Variants in CADM2 observed in about 807,000 individuals in gnomAD.
CADM2 encodes the protein immunoglobulin superfamily member 4D.
Under a neutral mutation model 49.8 loss-of-function variants are expected in CADM2, and 12 were observed. The ratio of observed to expected loss-of-function variants is 0.24; its 90% CI spans 0.15 to 0.39. The LOEUF is 0.39. CADM2 is among the 10% of genes least tolerant of loss of function. The probability of loss-of-function intolerance (pLI) is 1.00; values close to 1 mark genes in which losing one functional copy is unlikely to be tolerated. For synonymous variants in CADM2, 214 were observed against 175.4 expected, an observed-to-expected ratio of 1.22 and a Z score of -1.74; for missense variants, 378 against 492.3, an observed-to-expected ratio of 0.77 and a Z score of 2.20.
At chr3:85,448,526 C>A (rs1205080902) in intron 1 of CADM2, among the ~76,000 whole-genome samples, 1 of 151,834 alleles carries the variant, frequency 6.6e-6, no homozygotes, top group Admixed American at 6.6e-5. Flanking sequence ...GGCACTGTGG[C>A]GGTATGTATA....
chr3:85,361,630 G>A (rs1474863801), intron 1 of CADM2, among the ~76,000 whole-genome samples: 2 of 152,142 alleles, frequency 1.3e-5, no homozygotes, highest in African/African-American at 2.4e-5. Flanking sequence ...GCATGTGAGA[G>A]GGTGGCTTTC....
chr3:85,730,807 T>C (rs960716494), intron 2 of CADM2, among the ~76,000 whole-genome samples: 3 of 152,304 alleles, frequency 2.0e-5, no homozygotes, highest in South Asian at 4.1e-4. Context: ...AATCCTGATT[T>C]GGGGGCTTTA....
At position 86,067,462 on chromosome 3, in the gene CADM2, A is replaced by G. The variant is rs547131406; in HGVS notation, c.*679A>G. The stretch of plus-strand genomic sequence containing the variant: ...ATGACATGGTATTTTCTATAATTAT[A>G]GAGATCTTACTATTAGGATATTGTA... On this transcript the variant is annotated 3_prime_UTR_variant, in exon 10 of 10. Transcript: ENST00000383699. 6.6e-6 allele frequency: 1 copy of G among 152,576 alleles called. No homozygotes were observed. The highest frequency in any genetic ancestry group is 1.5e-5 in the Non-Finnish European group (1 of 67,986). 9.5% of individuals were successfully genotyped at this position (152,576 alleles called of 1,614,324 possible). A position where few individuals can be genotyped will look rare whatever the true frequency, so the allele number is the denominator to read the frequency against.
At chr3:85,331,583 G>A (rs1224040373) in intron 1 of CADM2, among the ~76,000 whole-genome samples, 1 of 151,694 alleles carries the variant, frequency 6.6e-6, no homozygotes, top group African/African-American at 2.4e-5. Context: ...GAGAATAAGA[G>A]TTTTACTTAT....
rs540104636 is a variant in CADM2 at position 85,201,321 on chromosome 3, C to T, written c.61+241653C>T. 1.3e-3 allele frequency among the ~76,000 whole-genome samples: 191 copies of T among 152,220 alleles called. 1 individual carries two copies. Among genetic ancestry groups the T allele is most frequent in the African/African-American group, 4.2e-3 (173 of 41,544 alleles). ...ATGCTTACACTATACTGTAGTCTAT[C>T]AAGTATGTGATAGCATTATATTATC... On this transcript the variant is annotated intron_variant, in intron 1 of 9. Transcript: ENST00000383699.
At chr3:85,736,861 A>G (rs887175810) in intron 2 of CADM2, among the ~76,000 whole-genome samples, 7 of 152,190 alleles carry the variant, frequency 4.6e-5, no homozygotes, top group African/African-American at 1.7e-4. Context: ...AACTTACAGT[A>G]GTCCAGGGAG....
chr3:85,601,421 T>C (rs1008496473), intron 1 of CADM2, among the ~76,000 whole-genome samples: 3 of 151,128 alleles, frequency 2.0e-5, no homozygotes, highest in Non-Finnish European at 4.4e-5. Context: ...TCACAATACA[T>C]TAACTCAATG....
At chr3:85,861,775 A>T (rs560057382) in intron 3 of CADM2, among the ~76,000 whole-genome samples, 2 of 152,254 alleles carry the variant, frequency 1.3e-5, no homozygotes, top group South Asian at 4.1e-4. Context: ...CCTCATCCAA[A>T]TTAAAATATA....
chr3:85,299,565 G>A (rs1281474845), intron 1 of CADM2, among the ~76,000 whole-genome samples: 1 of 152,050 alleles, frequency 6.6e-6, no homozygotes, highest in East Asian at 1.9e-4. Context: ...TCAACCTTTA[G>A]TCTTAAGTGT....
chr3:85,608,102 C>T (rs2063582117), intron 1 of CADM2, among the ~76,000 whole-genome samples: 1 of 152,044 alleles, frequency 6.6e-6, no homozygotes, highest in South Asian at 2.1e-4. Context: ...ACTAATTTGT[C>T]AATATTCTAT....
chr3:86,065,665 C>T lies in CADM2; in HGVS notation c.1031C>T (p.Ala344Val). The T allele has an allele frequency of 6.2e-7, 1 of 1,613,992 alleles. No individual in the cohort carries two copies. Among genetic ancestry groups the T allele is most frequent in the Non-Finnish European group, 8.5e-7 (1 of 1,179,952 alleles). ...PDHALIGGIV[A>V]VVVFVTLCSI... ...CATGCTCTCATAGGAGGAATAGTGG[C>T]TGTAGTTGTATTTGTCACGCTGTGT... Residue 344 changes from alanine (A) to valine (V), a missense_variant, in exon 9 of 10, where the codon GCT becomes GTT. By Grantham distance (64) the Ala-to-Val change is moderately conservative (BLOSUM62 0). Transcript: ENST00000383699.
intron 1 of CADM2, among the ~76,000 whole-genome samples, chr3:85,596,039 T>C (rs145290179): frequency 2.0e-5 from 3 of 152,108 alleles, no homozygotes; most frequent in African/African-American, 7.2e-5. Context: ...CTATTTAAAT[T>C]AATTACTATA....
chr3:85,794,897 C>CTA (rs1472487042), intron 2 of CADM2, among the ~76,000 whole-genome samples: 3 of 152,036 alleles, frequency 2.0e-5, no homozygotes, highest in Admixed American at 2.0e-4. Context: ...AGTAGGTTCT[C>CTA]TATATAGTAG....
intron 1 of CADM2, among the ~76,000 whole-genome samples, chr3:85,048,406 A>G (rs1398471386): frequency 3.3e-5 from 5 of 152,178 alleles, no homozygotes. Flanking sequence ...CATTTCCCAG[A>G]GCTCATATCC....
At chr3:85,190,242 A>G (rs1346534302) in intron 1 of CADM2, among the ~76,000 whole-genome samples, 1 of 152,080 alleles carries the variant, frequency 6.6e-6, no homozygotes, top group Non-Finnish European at 1.5e-5. Flanking sequence ...CCCCCATGCC[A>G]CCAGTTTTCA....
At chr3:85,899,116 C>A (rs1379096822) in intron 5 of CADM2, among the ~76,000 whole-genome samples, 1 of 150,608 alleles carries the variant, frequency 6.6e-6, no homozygotes, top group African/African-American at 2.4e-5. Flanking sequence ...CAGGCGTGCA[C>A]CAACATGTCT....
intron 6 of CADM2, among the ~76,000 whole-genome samples, chr3:85,932,521 C>T (rs1720726966): frequency 6.6e-6 from 1 of 152,104 alleles, no homozygotes. Flanking sequence ...CCCATTCACC[C>T]TGATCTTAAA....
chr3:85,167,923 ATCTCTC>A (rs2040515699), intron 1 of CADM2, among the ~76,000 whole-genome samples: 5 of 152,140 alleles, frequency 3.3e-5, no homozygotes, highest in Admixed American at 1.3e-4. Context: ...ATACATATAT[ATCTCTC>A]CACATTGCCC....
chr3:85,480,704 A>G (rs2039174748), intron 1 of CADM2, among the ~76,000 whole-genome samples: 1 of 151,906 alleles, frequency 6.6e-6, no homozygotes, highest in Admixed American at 6.6e-5. Flanking sequence ...TGACCAAACC[A>G]TTTTGTCTTT....
Sources: allele counts gnomAD v4.1 joint callset (sites outside exome capture counted in the v4.1 genomes callset), GRCh38; gene constraint gnomAD v4.1.1; transcripts MANE v1.5; gene names NCBI Gene and HGNC (gene_info 2026-07-23, HGNC 2026-07-21).